The following SEC24C variants were observed in gnomAD, a reference collection of about 807,000 sequenced individuals.
SEC24C encodes SEC24 homolog C, COPII component.
In SEC24C, 22 loss-of-function variants were observed where a neutral mutation model predicts 117.0. The observed-to-expected ratio is 0.19, with a 90% CI of 0.13 to 0.27. The LOEUF is 0.27. Ranked by LOEUF, SEC24C falls within the 10% of genes least tolerant of loss-of-function variation. The pLI, the probability that SEC24C is intolerant of heterozygous loss-of-function variation, is 1.00. For synonymous variants in SEC24C, 506 were observed against 529.4 expected (o/e 0.96, Z 0.61); for missense variants, 1,155 against 1,375.1 (o/e 0.84, Z 2.53).
At chr10:73,752,627 G>A (rs1157411609) in intron 3 of SEC24C, among the ~76,000 whole-genome samples, 1 of 152,060 alleles carries the variant, frequency 6.6e-6, no homozygotes, top group Non-Finnish European at 1.5e-5. Context: ...TATAAAACAG[G>A]GTGAGGATAT....
intron 15 of SEC24C, 56 bp downstream of exon 15, chr10:73,768,063 T>C (rs2082913643): frequency 1.1e-5 from 17 of 1,513,732 alleles, no homozygotes; most frequent in Non-Finnish European, 1.4e-5. Context: ...TATCTGCTTA[T>C]ATATGCAGTG....
chr10:73,758,746 C>A (rs1017872850), intron 3 of SEC24C, among the ~76,000 whole-genome samples: 1 of 152,124 alleles, frequency 6.6e-6, no homozygotes, highest in South Asian at 2.1e-4. Context: ...GTACTCCATT[C>A]CTTTTTGTGG....
intron 8 of SEC24C, among the ~76,000 whole-genome samples, chr10:73,764,540 A>G (rs964993300): frequency 1.3e-5 from 2 of 150,292 alleles, no homozygotes; most frequent in African/African-American, 4.9e-5. Flanking sequence ...AAAAAAAAAA[A>G]CAAGAGGTAG....
chr10:73,769,925 T>C lies in SEC24C; in HGVS notation c.2772T>C (p.Thr924=). Residue 924 remains threonine, a synonymous_variant, in exon 20 of 23, where the codon ACT becomes ACC. Coordinates refer to ENST00000345254, the MANE Select transcript of SEC24C (RefSeq NM_198597.3). The surrounding 1 kb of genome is among the most constrained non-coding windows in gnomAD (Gnocchi z 4.5). ...SDVLQPGAEV[T]TDDRAYVRQL... The stretch of plus-strand genomic sequence containing the variant: ...TCCTGCAGCCTGGAGCTGAAGTCAC[T>C]ACTGATGACCGTGCCTATGTCCGAC... The C allele has an allele frequency of 6.2e-7, 1 of 1,614,200 alleles. No individual in the cohort carries two copies. The highest frequency in any genetic ancestry group is 8.5e-7 in the Non-Finnish European group (1 of 1,180,008).
In SEC24C at chr10:73,746,170, A is replaced by C. The variant is rs542210646; in HGVS notation, c.-28-635A>C. On this transcript the variant is annotated intron_variant, in intron 1 of 22. Transcript: ENST00000345254. ...TGAGACTCCGTCTCAAAAAAAAAAA[A>C]AAAAAAAAAAAACCTTCAGTTTTAA... is the stretch of plus-strand genomic sequence containing the variant. 5.5e-4 allele frequency among the ~76,000 whole-genome samples: 82 copies of C among 150,010 alleles called. 2 individuals are homozygous for C. In the South Asian group the frequency reaches 0.016, roughly 29 times the overall value.
At chr10:73,746,375 C>G (rs960572115) in intron 1 of SEC24C, among the ~76,000 whole-genome samples, 1 of 152,170 alleles carries the variant, frequency 6.6e-6, no homozygotes, top group Non-Finnish European at 1.5e-5. Flanking sequence ...GTTCAGCACA[C>G]TAGAGGGTAC....
At position 73,769,227 on chromosome 10, in the gene SEC24C, A is replaced by C; in HGVS notation, c.2424+75A>C. ...ATAGAAGAGGGTGAGGAATGGGTAG[A>C]GAGCACTAAAAGAAGAGACAGGGCA... On this transcript the variant is annotated intron_variant, in intron 17 of 22. Transcript: ENST00000345254. The surrounding 1 kb of genome is among the most constrained non-coding windows in gnomAD (Gnocchi z 4.5). The C allele has an allele frequency of 8.8e-6, 14 of 1,593,306 alleles. No homozygotes were observed. Among genetic ancestry groups the C allele is most frequent in the Non-Finnish European group, 1.1e-5 (13 of 1,168,662 alleles).
At chr10:73,770,238 T>G in intron 20 of SEC24C, 42 bp from the exon 21 acceptor site, 1 of 1,550,842 alleles carries the variant, frequency 6.4e-7, no homozygotes, top group Non-Finnish European at 8.7e-7. Context: ...CAGACTTGTC[T>G]TATGGTCCTT....
intron 3 of SEC24C, among the ~76,000 whole-genome samples, chr10:73,752,700 T>C (rs549022875): frequency 6.6e-6 from 1 of 152,144 alleles, no homozygotes; most frequent in East Asian, 1.9e-4. Context: ...GGCTGACTCC[T>C]TTAATACCAG....
chr10:73,750,995 G>T, intron 2 of SEC24C, 113 bp from the exon 3 acceptor site: 1 of 1,114,660 alleles, frequency 9.0e-7, no homozygotes, highest in Admixed American at 2.2e-5. Context: ...TGCCTAAACT[G>T]TGGTATTGGG....
chr10:73,749,981 T>TA lies in SEC24C; in HGVS notation c.173-1126dup, dbSNP rs541718148. 2.0e-4 allele frequency among the ~76,000 whole-genome samples: 31 copies of TA among 152,208 alleles called. No homozygotes were observed. The East Asian group carries it at 5.4e-3, about 27-fold the overall frequency. ...CAAACTCTATGCTTTCATAAAGAGA[T>TA]ATGGAAAAAAGAAGGCATCAAGGAG... On this transcript the variant is annotated intron_variant, in intron 2 of 22. Coordinates refer to ENST00000345254, the MANE Select transcript of SEC24C (RefSeq NM_198597.3).
rs376783502 is a variant in SEC24C, at chr10:73,769,715, C to T, written c.2664C>T (p.Ser888=). The T allele has an allele frequency of 3.2e-5, 51 of 1,614,066 alleles. No individual in the cohort carries two copies. The highest frequency in any genetic ancestry group is 4.2e-5 in the Non-Finnish European group (49 of 1,180,024). The change falls in exon 19 of 23, where the codon AGC becomes AGT. Residue 888 remains serine (S), a synonymous_variant. Transcript: ENST00000345254. The surrounding 1 kb of genome is among the most constrained non-coding windows in gnomAD (Gnocchi z 4.5). The part of the protein sequence containing the change: ...ILACYRKNCA[S]PSSAGQLILP... Reference sequence around the variant, plus strand: ...CCTGTTACAGAAAGAACTGTGCTAGCCCCTCCTCTGCAGGACAGGTGGGGC... The same window carrying T: ...CCTGTTACAGAAAGAACTGTGCTAGTCCCTCCTCTGCAGGACAGGTGGGGC...
Position 73,765,783 on chromosome 10 carries a change from T to C in SEC24C, c.1367-17T>C, listed in dbSNP as rs781373238. 2.5e-6 allele frequency: 4 copies of C among 1,606,866 alleles called. No individual in the cohort carries two copies. In the East Asian group the frequency reaches 8.9e-5, roughly 36 times the overall value. On this transcript the variant is annotated splice_polypyrimidine_tract_variant and intron_variant, in intron 9 of 22. Coordinates refer to ENST00000345254, the MANE Select transcript of SEC24C (RefSeq NM_198597.3). ...GAAACTGGATCTTCGAGTAACACAC[T>C]GCCATGCTTCCCACAGTTCCCCCCC...
At position 73,759,644 on chromosome 10, in the gene SEC24C, G is replaced by C. The variant is rs2082764032; in HGVS notation, c.331G>C (p.Gly111Arg). ...MQRLPGSQPF[G>R]SPLAPVGNQP... ...CAGGCTGCCTGGGTCTCAGCCATTT[G>C]GGTCCCCATTGGCCCCTGTGGGCAA... Residue 111 changes from glycine (G) to arginine (R), a missense_variant, in exon 4 of 23, where the codon GGG becomes CGG. Gly to Arg is a moderately radical substitution (Grantham distance 125, BLOSUM62 -2). Transcript: ENST00000345254. 1 of 1,538,872 alleles carries C rather than the reference G, an allele frequency of 6.5e-7. No individual in the cohort carries two copies. The highest frequency in any genetic ancestry group is 1.4e-5 in the African/African-American group (1 of 72,162).
In SEC24C at chr10:73,763,850, C is replaced by A. The variant is rs1181512283; in HGVS notation, c.1100-6C>A. On this transcript the variant is annotated splice_region_variant and splice_polypyrimidine_tract_variant and intron_variant, in intron 7 of 22. Transcript: ENST00000345254. The stretch of plus-strand genomic sequence containing the variant: ...TCTGACTCGGGTCTTCTGCCTCCTT[C>A]TTCAGGGAATGCAAGTCCCCGATAC... The A allele has an allele frequency of 1.2e-6, 2 of 1,613,040 alleles. No individual in the cohort carries two copies. Among genetic ancestry groups the A allele is most frequent in the African/African-American group, 2.7e-5 (2 of 74,788 alleles).
Position 73,751,153 on chromosome 10 carries a change from C to A in SEC24C, c.218C>A (p.Thr73Lys). 6.2e-7 allele frequency: 1 copy of A among 1,614,212 alleles called. No individual in the cohort carries two copies. The highest frequency in any genetic ancestry group is 1.6e-4 in the Middle Eastern group (1 of 6,062). ...PPSSGAPPAS[T>K]AQAPCGQAAY... ...TCCTCGGGGGCACCTCCAGCCTCAA[C>A]AGCACAGGCTCCTTGTGGCCAGGCT... Residue 73 changes from threonine to lysine, a missense_variant, in exon 3 of 23, where the codon ACA becomes AAA. Thr to Lys is a moderately conservative substitution (Grantham distance 78, BLOSUM62 -1). Around this residue, in one of 2 missense-constraint regions of SEC24C, gnomAD observed 396 missense variants for 382.8 expected, o/e 1.03. Coordinates refer to ENST00000345254, the MANE Select transcript of SEC24C (RefSeq NM_198597.3).
intron 8 of SEC24C, among the ~76,000 whole-genome samples, chr10:73,764,408 C>T (rs2082847986): frequency 6.6e-6 from 1 of 151,880 alleles, no homozygotes; most frequent in Non-Finnish European, 1.5e-5. Flanking sequence ...CCTGTAGTCC[C>T]AGCTACTTGG....
chr10:73,763,626 A>G (rs1053807712), intron 7 of SEC24C, 25 bp downstream of exon 7: 1 of 1,069,762 alleles, frequency 9.3e-7, no homozygotes, highest in Admixed American at 2.3e-5. Context: ...AGCTCCTCCC[A>G]CAGGGGCTTT....
chr10:73,763,789 AC>A, intron 7 of SEC24C, 66 bp from the exon 8 acceptor site: 1 of 1,544,744 alleles, frequency 6.5e-7, no homozygotes, highest in Non-Finnish European at 8.8e-7. Context: ...GGTGTGGATC[AC>A]CAATGGAGAG....
Sources: allele counts gnomAD v4.1 joint callset (sites outside exome capture counted in the v4.1 genomes callset), GRCh38; gene constraint gnomAD v4.1.1; regional missense constraint gnomAD v4.1.1; non-coding constraint Gnocchi (gnomAD v3.1); transcripts MANE v1.5; gene names NCBI Gene and HGNC (gene_info 2026-07-23, HGNC 2026-07-21).